Variants in MTMR4 observed in about 807,000 individuals in gnomAD.
MTMR4 encodes the protein phosphatidylinositol-3,5-bisphosphate 3-phosphatase MTMR4.
Under a neutral mutation model 125.5 loss-of-function variants are expected in MTMR4, and 30 were observed. That is an observed-to-expected ratio of 0.24 (90% confidence interval 0.18 to 0.32). The LOEUF (loss-of-function observed/expected upper bound fraction) is 0.32, where lower values mean the gene tolerates loss of function less well. MTMR4 is among the 10% of genes least tolerant of loss of function. The pLI is 1.00. For synonymous variants in MTMR4, 498 were observed against 564.5 expected, an observed-to-expected ratio of 0.88 and a Z score of 1.67; for missense variants, 1,039 against 1,511.5, an observed-to-expected ratio of 0.69 and a Z score of 5.18.
At chr17:58,507,964 A>AG (rs1286217194) in intron 7 of MTMR4, 197 bp downstream of exon 7, 28 of 520,816 alleles carry the variant, frequency 5.4e-5, no homozygotes, top group South Asian at 1.2e-4. Context: ...CTCTAAAAAA[A>AG]GGGGGGGAAT....
In MTMR4 at chr17:58,514,591, T is replaced by G. The variant is rs1976033910; in HGVS notation, c.-184A>C. ...CGCGCCTCTCCCCTCCTCTCCACAA[T>G]GGAGCGGGCCCAGCTCCGCCCTCCC... On this transcript the variant is annotated 5_prime_UTR_variant, in exon 1 of 18. Coordinates refer to ENST00000682306, the MANE Select transcript of MTMR4 (RefSeq NM_001378067.1). The G allele has an allele frequency of 1.0e-6, 1 of 984,836 alleles. No individual in the cohort carries two copies. The highest frequency in any genetic ancestry group is 1.8e-5 in the African/African-American group (1 of 57,094). 61.0% of individuals were successfully genotyped at this position (984,836 alleles called of 1,614,324 possible).
At position 58,496,126 on chromosome 17, in the gene MTMR4, T is replaced by G. The variant is rs1282094589; in HGVS notation, c.2058A>C (p.Glu686Asp). 2 of 1,614,080 alleles carry G rather than the reference T, an allele frequency of 1.2e-6. No individual in the cohort carries two copies. Among genetic ancestry groups the G allele is most frequent in the African/African-American group, 2.7e-5 (2 of 74,918 alleles). Reference protein sequence around the residue: ...GVGGPQQTVGEVGLPPPLPSS... With the variant: ...GVGGPQQTVGDVGLPPPLPSS... ...TGGGCAGAGGAGGAGGAAGACCCAC[T>G]TCTCCTACAGTTTGCTGAGGCCCTC... is the stretch of plus-strand genomic sequence containing the variant. Residue 686 changes from glutamate (E) to aspartate (D), a missense_variant, in exon 15 of 18, where the codon GAA (glutamate) becomes GAC (aspartate). Coordinates refer to ENST00000682306, the MANE Select transcript of MTMR4 (RefSeq NM_001378067.1).
At chr17:58,517,952 C>G (rs1323660434), upstream of MTMR4, 1 of 152,800 alleles carries the variant, frequency 6.5e-6, no homozygotes, top group Non-Finnish European at 1.5e-5. Flanking sequence ...CTGTACCCGC[C>G]CTGGCCAATG....
At position 58,491,485 on chromosome 17, in the gene MTMR4, G is replaced by A. The variant is rs189108812; in HGVS notation, c.*178C>T. 7 of 594,432 alleles carry A rather than the reference G, an allele frequency of 1.2e-5. No individual in the cohort carries two copies. In the African/African-American group the frequency reaches 1.3e-4, roughly 11 times the overall value. 36.8% of individuals were successfully genotyped at this position (594,432 alleles called of 1,614,324 possible). A position where few individuals can be genotyped will look rare whatever the true frequency, so the allele number is the denominator to read the frequency against. On this transcript the variant is annotated 3_prime_UTR_variant, in exon 18 of 18. Transcript: ENST00000682306. ...CAAGGTGAGGGTATCACCAGTAGAGGACCTCCTGCTAAATTGCAATTCCTC... is the reference window on the plus strand; with the variant it reads ...CAAGGTGAGGGTATCACCAGTAGAGAACCTCCTGCTAAATTGCAATTCCTC...
chr17:58,494,531 G>A (rs975857708), intron 15 of MTMR4, among the ~76,000 whole-genome samples: 3 of 152,132 alleles, frequency 2.0e-5, no homozygotes, highest in South Asian at 2.1e-4. Context: ...TAGCCCCAGT[G>A]TAAGCGTGTA....
intron 14 of MTMR4, among the ~76,000 whole-genome samples, chr17:58,499,241 T>TAA (rs1189532311): frequency 6.9e-5 from 10 of 144,626 alleles, no homozygotes; most frequent in Non-Finnish European, 1.1e-4. Context: ...TCTTTTTTTT[T>TAA]TAAAAAAAAA....
rs751760352 is a variant in MTMR4, at chr17:58,511,436, C to T, written c.328G>A (p.Val110Met). Residue 110 changes from valine to methionine, a missense_variant, in exon 4 of 18, where the codon GTG (valine) becomes ATG (methionine). Around this residue, in one of 6 missense-constraint regions of MTMR4, gnomAD observed 202 missense variants for 311.9 expected, o/e 0.65. Coordinates refer to ENST00000682306, the MANE Select transcript of MTMR4 (RefSeq NM_001378067.1). ...AGGCTCCGTTGTTCTCACCTCACCA[C>T]TTTGGAGTCCTTGCAGGAAATGTGC... The part of the protein sequence containing the change: ...QLHISCKDSK[V>M]VRCHFSTFKQ... 6.8e-6 allele frequency: 11 copies of T among 1,611,912 alleles called. No homozygotes were observed. In the Middle Eastern group the frequency reaches 4.9e-4, roughly 72 times the overall value.
rs1688219561 is a variant in MTMR4, at chr17:58,514,379, G to A, written c.29C>T (p.Ser10Phe). MSLTARVSC[S>F]MLSCFGEEGP... ...GGCACTTACGAAGCAGCTAAGCATG[G>A]AGCAGGAGACGCGGGCGGTCAGGCT... The change falls in exon 1 of 18, where the codon TCC becomes TTC. Residue 10 changes from serine (S) to phenylalanine (F), a missense_variant. Coordinates refer to ENST00000682306, the MANE Select transcript of MTMR4 (RefSeq NM_001378067.1). 1.0e-6 allele frequency: 1 copy of A among 987,132 alleles called. No homozygotes were observed. The highest frequency in any genetic ancestry group is 1.7e-5 in the African/African-American group (1 of 57,296). 61.1% of individuals were successfully genotyped at this position (987,132 alleles called of 1,614,324 possible).
Position 58,492,921 on chromosome 17 carries a change from G to C in MTMR4, c.3284C>G (p.Thr1095Ser). ...TCLKESDGSD[T>S]EDFGSDHSED... Reference sequence around the variant, plus strand: ...ACTGTGATCAGAGCCAAAATCCTCAGTATCACTGCCATCTGACTCCTTCAA... The same window carrying C: ...ACTGTGATCAGAGCCAAAATCCTCACTATCACTGCCATCTGACTCCTTCAA... Residue 1095 changes from threonine (T) to serine (S), a missense_variant, in exon 16 of 18, where the codon ACT becomes AGT. Coordinates refer to ENST00000682306, the MANE Select transcript of MTMR4 (RefSeq NM_001378067.1). The C allele has an allele frequency of 6.2e-7, 1 of 1,614,204 alleles. No individual in the cohort carries two copies. Among genetic ancestry groups the C allele is most frequent in the Non-Finnish European group, 8.5e-7 (1 of 1,180,030 alleles).
At chr17:58,509,950 C>T (rs1975884206) in intron 4 of MTMR4, among the ~76,000 whole-genome samples, 1 of 152,150 alleles carries the variant, frequency 6.6e-6, no homozygotes, top group African/African-American at 2.4e-5. Flanking sequence ...CAAATCTTCT[C>T]ATCTCCACCT....
intron 10 of MTMR4, 98 bp downstream of exon 10, chr17:58,505,374 T>C: frequency 9.4e-7 from 1 of 1,066,136 alleles, no homozygotes; most frequent in Non-Finnish European, 1.4e-6. Context: ...TCAGGTCTCC[T>C]GCTCTCCAAA....
rs1040829962 is a variant in MTMR4, at chr17:58,514,500, C to T, written c.-93G>A. ...CCCGCCGCATCCCGGCTGCGGGGCT[C>T]GCCAGGTGCAGCCGCGGCGGCCAAG... On this transcript the variant is annotated 5_prime_UTR_variant, in exon 1 of 18. Transcript: ENST00000682306. 14 of 985,130 alleles carry T rather than the reference C, an allele frequency of 1.4e-5. No individual in the cohort carries two copies. The highest frequency in any genetic ancestry group is 1.6e-5 in the Non-Finnish European group (13 of 829,884). The allele number at this position is 985,130 out of a possible 1,614,324, so 61.0% of individuals were successfully genotyped here. A position where few individuals can be genotyped will look rare whatever the true frequency, so the allele number is the denominator to read the frequency against.
Position 58,508,922 on chromosome 17 carries a change from C to T in MTMR4, c.336-81G>A. On this transcript the variant is annotated intron_variant, in intron 4 of 17. Transcript: ENST00000682306. The surrounding 1 kb of genome is among the most constrained non-coding windows in gnomAD (Gnocchi z 4.8). ...GCTATCAGGGCCAAAAACACAGCCA[C>T]AGGAAGGCTGTGAGGAGAGAAGGCT... 6.7e-7 allele frequency: 1 copy of T among 1,493,650 alleles called. No individual in the cohort carries two copies. The highest frequency in any genetic ancestry group is 9.2e-7 in the Non-Finnish European group (1 of 1,091,782). 92.5% of individuals were successfully genotyped at this position (1,493,650 alleles called of 1,614,324 possible).
intron 14 of MTMR4, among the ~76,000 whole-genome samples, chr17:58,501,873 A>G (rs560439498): frequency 6.6e-6 from 1 of 152,030 alleles, no homozygotes; most frequent in East Asian, 1.9e-4. Context: ...AGTGTGACCA[A>G]CATGGTAAAA....
chr17:58,496,880 G>A (rs1468015633), intron 14 of MTMR4, among the ~76,000 whole-genome samples: 1 of 152,184 alleles, frequency 6.6e-6, no homozygotes, highest in Non-Finnish European at 1.5e-5. Context: ...GATGCTATGA[G>A]AATTCAAAAT....
chr17:58,505,350 C>T, intron 10 of MTMR4, 122 bp downstream of exon 10: 1 of 818,480 alleles, frequency 1.2e-6, no homozygotes, highest in Non-Finnish European at 2.0e-6. Flanking sequence ...CGGCACCCAA[C>T]TCCACCCAGG....
chr17:58,494,505 A>T (rs1173718474), intron 15 of MTMR4, among the ~76,000 whole-genome samples: 1 of 152,054 alleles, frequency 6.6e-6, no homozygotes, highest in Non-Finnish European at 1.5e-5. Context: ...CCACCACCCT[A>T]TTTGACTGTC....
At position 58,512,533 on chromosome 17, in the gene MTMR4, T is replaced by C. The variant is rs1397232820; in HGVS notation, c.136-27A>G. 1 of 1,559,664 alleles carries C rather than the reference T, an allele frequency of 6.4e-7. No individual in the cohort carries two copies. Among genetic ancestry groups the C allele is most frequent in the Admixed American group, 1.7e-5 (1 of 59,952 alleles). The stretch of plus-strand genomic sequence containing the variant: ...TGTCAAGGGGCAGAGAAACCTTCAG[T>C]CCAGAAGTGAGTGACCACCTTATCC... On this transcript the variant is annotated intron_variant, in intron 2 of 17. Coordinates refer to ENST00000682306, the MANE Select transcript of MTMR4 (RefSeq NM_001378067.1). The surrounding 1 kb of genome is among the most constrained non-coding windows in gnomAD (Gnocchi z 4.1).
At position 58,508,250 on chromosome 17, in the gene MTMR4, C is replaced by T. The variant is rs946125696; in HGVS notation, c.618G>A (p.Lys206=). The T allele has an allele frequency of 6.2e-7, 1 of 1,614,002 alleles. No individual in the cohort carries two copies. Among genetic ancestry groups the T allele is most frequent in the African/African-American group, 1.3e-5 (1 of 74,936 alleles). ...NYKLCPSYPQ[K]LLVPVWITDK... ...CAGTGATCCACACAGGAACCAGCAG[C>T]TTCTGGGGGTAACTGGGGCACAATC... The change falls in exon 7 of 18, where the codon AAG becomes AAA. Residue 206 remains lysine (K), a synonymous_variant. Coordinates refer to ENST00000682306, the MANE Select transcript of MTMR4 (RefSeq NM_001378067.1). The surrounding 1 kb of genome is among the most constrained non-coding windows in gnomAD (Gnocchi z 4.8).
Sources: gnomAD v4.1 joint callset for allele counts (sites outside exome capture counted in the v4.1 genomes callset) on GRCh38, gnomAD v4.1.1 for gene constraint, gnomAD v4.1.1 regional missense constraint, Gnocchi (gnomAD v3.1) non-coding constraint, MANE v1.5 for transcripts, NCBI Gene and HGNC (gene_info 2026-07-23, HGNC 2026-07-21) for gene names.